CADM1: variants seen among roughly 807,000 people sequenced by gnomAD.
CADM1 encodes TSLC-1.
Under a neutral mutation model 53.1 loss-of-function variants are expected in CADM1, and 15 were observed. The observed-to-expected ratio is 0.28, with a 90% CI of 0.19 to 0.44. The LOEUF (loss-of-function observed/expected upper bound fraction) is 0.44, where lower values mean the gene tolerates loss of function less well. Among genes scored for constraint, CADM1 ranks in the 20% least tolerant of loss-of-function variants. The pLI is 1.00. For synonymous variants in CADM1, 281 were observed against 243.0 expected (o/e 1.16, Z -1.45); for missense variants, 434 against 611.3 (o/e 0.71, Z 3.06).
At chr11:115,197,903 C>T (rs1275663623) in intron 9 of CADM1, among the ~76,000 whole-genome samples, 1 of 152,146 alleles carries the variant, frequency 6.6e-6, no homozygotes, top group African/African-American at 2.4e-5. Flanking sequence ...TAAAGAAGAA[C>T]AATGACCTTC....
At chr11:115,428,423 A>C (rs1209941315) in intron 1 of CADM1, among the ~76,000 whole-genome samples, 1 of 152,198 alleles carries the variant, frequency 6.6e-6, no homozygotes, top group East Asian at 1.9e-4. Context: ...CATTTATATA[A>C]AAAAGAATTC....
At chr11:115,340,658 A>ATATATATATATTTTTTTTTTTTTTT (rs60532835) in intron 1 of CADM1, among the ~76,000 whole-genome samples, 1 of 34,936 alleles carries the variant, frequency 2.9e-5, no homozygotes. Flanking sequence ...ATATATATAT[A>ATATATATATATTTTTTTTTTTTTTT]TTTTTTTTTT....
chr11:115,423,742 A>C (rs527659843), intron 1 of CADM1, among the ~76,000 whole-genome samples: 1 of 152,292 alleles, frequency 6.6e-6, no homozygotes, highest in East Asian at 1.9e-4. Context: ...TTTTACCAAA[A>C]GGTTTACTAT....
intron 1 of CADM1, chr11:115,445,671 C>G (rs1948433717): frequency 8.1e-6 from 3 of 368,448 alleles, no homozygotes; most frequent in Non-Finnish European, 1.1e-5. Flanking sequence ...TGGCAACACC[C>G]TGTCTCAACA....
intron 1 of CADM1, among the ~76,000 whole-genome samples, chr11:115,468,709 T>C (rs1948946375): frequency 6.6e-6 from 1 of 152,104 alleles, no homozygotes; most frequent in South Asian, 2.1e-4. Context: ...GGTTAGTAAA[T>C]GAACATAAGT....
intron 1 of CADM1, among the ~76,000 whole-genome samples, chr11:115,353,160 G>A (rs950300741): frequency 3.9e-5 from 6 of 152,202 alleles, no homozygotes; most frequent in Non-Finnish European, 8.8e-5. Context: ...CAAGAAAAAC[G>A]GAAATGGGTA....
intron 1 of CADM1, among the ~76,000 whole-genome samples, chr11:115,272,325 T>C (rs577817617): frequency 6.6e-6 from 1 of 152,308 alleles, no homozygotes; most frequent in East Asian, 1.9e-4. Flanking sequence ...CACTCTACTC[T>C]TGATTTTTGA....
chr11:115,503,035 G>A (rs1252173287), intron 1 of CADM1, among the ~76,000 whole-genome samples: 1 of 152,150 alleles, frequency 6.6e-6, no homozygotes, highest in African/African-American at 2.4e-5. Context: ...ATCCCCTCCT[G>A]CATCGCCGCT....
chr11:115,248,894 T>C (rs1353479959), intron 1 of CADM1, among the ~76,000 whole-genome samples: 1 of 152,184 alleles, frequency 6.6e-6, no homozygotes, highest in East Asian at 1.9e-4. Context: ...GCCTGCTAAA[T>C]CTGCTTAGAG....
At position 115,173,805 on chromosome 11, in the gene CADM1, G is replaced by A; in HGVS notation, c.*2669C>T. On this transcript the variant is annotated 3_prime_UTR_variant, in exon 12 of 12. Transcript: ENST00000331581. ...CCATGTACACCTTAAAAACAGAACT[G>A]GCCTAAAGGGAAAAATAAGACGTCG... The A allele has an allele frequency of 1.0e-6, 1 of 983,646 alleles. No homozygotes were observed. Among genetic ancestry groups the A allele is most frequent in the Non-Finnish European group, 1.2e-6 (1 of 829,146 alleles). The allele number at this position is 983,646 out of a possible 1,614,324, so 60.9% of individuals were successfully genotyped here.
chr11:115,177,282 T>C (rs1441388334), intron 11 of CADM1, among the ~76,000 whole-genome samples: 1 of 152,210 alleles, frequency 6.6e-6, no homozygotes, highest in Non-Finnish European at 1.5e-5. Context: ...ATTCATGGAT[T>C]TGCTAATTGG....
chr11:115,247,014 A>T (rs1942429237), intron 1 of CADM1, among the ~76,000 whole-genome samples: 1 of 152,208 alleles, frequency 6.6e-6, no homozygotes, highest in South Asian at 2.1e-4. Context: ...CTGACACAAC[A>T]TTAAGCTATT....
chr11:115,198,499 A>G (rs1427631153), intron 8 of CADM1, 61 bp from the exon 9 acceptor site: 7 of 1,404,980 alleles, frequency 5.0e-6, no homozygotes, highest in South Asian at 1.2e-5. Context: ...CATGCAAAAA[A>G]AGGGAAAATG....
chr11:115,272,472 T>A (rs73574173), intron 1 of CADM1, among the ~76,000 whole-genome samples: 1,757 of 152,252 alleles, frequency 0.012, 24 homozygotes, highest in Middle Eastern at 0.051. Flanking sequence ...CTAACTAGTA[T>A]ACAGCTAGAT....
chr11:115,206,113 G>T (rs1940663557), intron 8 of CADM1, among the ~76,000 whole-genome samples: 1 of 152,266 alleles, frequency 6.6e-6, no homozygotes, highest in South Asian at 2.1e-4. Flanking sequence ...ATTTTATAAG[G>T]TGTTGAAGAT....
chr11:115,445,874 A>T, intron 1 of CADM1: 1 of 392,238 alleles, frequency 2.5e-6, no homozygotes, highest in South Asian at 1.9e-5. Context: ...GAGGTAATAC[A>T]ATTATAACAA....
At chr11:115,265,705 T>C (rs945061763) in intron 1 of CADM1, among the ~76,000 whole-genome samples, 18 of 152,192 alleles carry the variant, frequency 1.2e-4, no homozygotes, top group African/African-American at 4.1e-4. Flanking sequence ...GAATGACTTA[T>C]GGTGGGAAAT....
Position 115,175,582 on chromosome 11 carries a change from G to T in CADM1, c.*892C>A, listed in dbSNP as rs1422643657. 1 of 985,362 alleles carries T rather than the reference G, an allele frequency of 1.0e-6. No homozygotes were observed. The highest frequency in any genetic ancestry group is 1.2e-6 in the Non-Finnish European group (1 of 829,984). 61.0% of individuals were successfully genotyped at this position (985,362 alleles called of 1,614,324 possible). On this transcript the variant is annotated 3_prime_UTR_variant, in exon 12 of 12. Transcript: ENST00000331581. ...CAAAATTTGTCCACTTATATAAAAG[G>T]AACAGACCTCACCTGTCAGGTCTGT... is the stretch of plus-strand genomic sequence containing the variant.
intron 1 of CADM1, among the ~76,000 whole-genome samples, chr11:115,331,100 A>G (rs750027597): frequency 6.6e-6 from 1 of 152,172 alleles, no homozygotes; most frequent in Non-Finnish European, 1.5e-5. Flanking sequence ...AATTCCTTCC[A>G]GAAACTAGAA....
Sources: gnomAD v4.1 joint callset for allele counts (sites outside exome capture counted in the v4.1 genomes callset) on GRCh38, gnomAD v4.1.1 for gene constraint, MANE v1.5 for transcripts, NCBI Gene and HGNC (gene_info 2026-07-23, HGNC 2026-07-21) for gene names.